Variants in ABTB3 observed in about 807,000 individuals in gnomAD.
ABTB3 encodes ankyrin repeat- and BTB/POZ domain-containing protein 3.
At chr12:107,558,893 C>T in the ABTB3 span, among the ~76,000 whole-genome samples, 2 of 152,168 alleles carry the variant, frequency 1.3e-5, no homozygotes, top group Admixed American at 6.5e-5. Context: ...CAGGGCTGGA[C>T]GTTGAGCCCC....
the ABTB3 span, among the ~76,000 whole-genome samples, chr12:107,459,069 C>G: frequency 4.1e-3 from 622 of 152,292 alleles, 8 homozygotes; most frequent in African/African-American, 0.013. Flanking sequence ...ATAATAATAG[C>G]TGACATAGAC....
chr12:107,439,393 A>G, the ABTB3 span, among the ~76,000 whole-genome samples: 2 of 152,280 alleles, frequency 1.3e-5, no homozygotes, highest in Admixed American at 6.5e-5. Flanking sequence ...TACAGGTCAG[A>G]AATCTCACCT....
At chr12:107,561,345 C>G in the ABTB3 span, among the ~76,000 whole-genome samples, 1 of 152,096 alleles carries the variant, frequency 6.6e-6, no homozygotes, top group African/African-American at 2.4e-5. Flanking sequence ...GAAGTACTGT[C>G]CCTCTTCAGA....
chr12:107,618,289 G>A, the ABTB3 span: 20,324 of 1,613,960 alleles, frequency 0.013, 173 homozygotes, highest in Middle Eastern at 0.037. Flanking sequence ...AGCCGCAACA[G>A]CAAGGCCAAA....
the ABTB3 span, among the ~76,000 whole-genome samples, chr12:107,382,484 C>T: frequency 6.6e-6 from 1 of 152,126 alleles, no homozygotes; most frequent in African/African-American, 2.4e-5. Flanking sequence ...TATAGGAATG[C>T]TTGTGATTTT....
chr12:107,349,475 T>C, the ABTB3 span, among the ~76,000 whole-genome samples: 1 of 152,194 alleles, frequency 6.6e-6, no homozygotes. Context: ...TCCCCAGACA[T>C]TGAGCATGCA....
the ABTB3 span, among the ~76,000 whole-genome samples, chr12:107,512,583 T>A: frequency 6.6e-6 from 1 of 152,204 alleles, no homozygotes; most frequent in Non-Finnish European, 1.5e-5. Flanking sequence ...GCTGTCTATG[T>A]ATGACCATGT....
the ABTB3 span, among the ~76,000 whole-genome samples, chr12:107,364,534 G>C: frequency 2.0e-5 from 3 of 151,966 alleles, 1 homozygote; most frequent in African/African-American, 7.3e-5. Flanking sequence ...CAGGTGATCC[G>C]CCCGCTTCAG....
the ABTB3 span, chr12:107,319,315 C>T: frequency 6.5e-7 from 1 of 1,545,316 alleles, no homozygotes; most frequent in Non-Finnish European, 8.7e-7. Flanking sequence ...GCGGCCTGCC[C>T]AAGGACGCGC....
chr12:107,517,959 T>C, the ABTB3 span, among the ~76,000 whole-genome samples: 1 of 152,196 alleles, frequency 6.6e-6, no homozygotes, highest in Admixed American at 6.5e-5. Flanking sequence ...GCAAAGGATA[T>C]GAACAGACAC....
chr12:107,492,109 A>G, the ABTB3 span, among the ~76,000 whole-genome samples: 1 of 152,076 alleles, frequency 6.6e-6, no homozygotes, highest in Non-Finnish European at 1.5e-5. Context: ...GAGATGAAGA[A>G]ACTGCAGCCT....
the ABTB3 span, among the ~76,000 whole-genome samples, chr12:107,351,518 G>T: frequency 6.6e-6 from 1 of 152,208 alleles, no homozygotes; most frequent in Admixed American, 6.5e-5. Flanking sequence ...AATCCTCAGT[G>T]CACCAGTGTT....
At chr12:107,457,710 GA>G in the ABTB3 span, among the ~76,000 whole-genome samples, 1 of 152,240 alleles carries the variant, frequency 6.6e-6, no homozygotes, top group Non-Finnish European at 1.5e-5. Flanking sequence ...CAGGGCCCTG[GA>G]GGCATGGCCT....
At chr12:107,490,402 T>C in the ABTB3 span, among the ~76,000 whole-genome samples, 1,363 of 152,290 alleles carry the variant, frequency 9.0e-3, 30 homozygotes, top group African/African-American at 0.031. Context: ...CTATGCACTT[T>C]AATAAGAATA....
chr12:107,580,040 C>T, the ABTB3 span, among the ~76,000 whole-genome samples: 1 of 152,114 alleles, frequency 6.6e-6, no homozygotes, highest in African/African-American at 2.4e-5. Flanking sequence ...GAATGTCGTC[C>T]GCAGACCAGT....
At chr12:107,567,623 G>A in the ABTB3 span, among the ~76,000 whole-genome samples, 1 of 152,282 alleles carries the variant, frequency 6.6e-6, no homozygotes, top group African/African-American at 2.4e-5. Flanking sequence ...GACCAGTACT[G>A]TTCCATGGCC....
At chr12:107,423,618 C>T in the ABTB3 span, among the ~76,000 whole-genome samples, 1 of 152,102 alleles carries the variant, frequency 6.6e-6, no homozygotes, top group African/African-American at 2.4e-5. Flanking sequence ...GGGGACGTTG[C>T]ACAGAGGTCC....
chr12:107,362,089 G>A, the ABTB3 span, among the ~76,000 whole-genome samples: 4 of 152,304 alleles, frequency 2.6e-5, no homozygotes, highest in Middle Eastern at 3.4e-3. Context: ...AATGTTTGTC[G>A]TTTGAGCTAC....
At chr12:107,357,581 AGCCTGG>A in the ABTB3 span, among the ~76,000 whole-genome samples, 1 of 152,212 alleles carries the variant, frequency 6.6e-6, no homozygotes, top group East Asian at 1.9e-4. Flanking sequence ...ACTGTGCTCT[AGCCTGG>A]GCCACAGAGT....
Sources: allele counts gnomAD v4.1 joint callset (sites outside exome capture counted in the v4.1 genomes callset), GRCh38; gene constraint gnomAD v4.1.1; transcripts MANE v1.5; gene names NCBI Gene and HGNC (gene_info 2026-07-23, HGNC 2026-07-21).